Variants in ZNF366 observed in about 807,000 individuals in gnomAD.
The protein encoded by ZNF366 is zinc finger protein 366, also known as dendritic cell-specific transcript protein.
ZNF366 carries 20 observed loss-of-function variants against 47.2 expected under a neutral mutation model. That is an observed-to-expected ratio of 0.42 (90% CI 0.30 to 0.62). The LOEUF (loss-of-function observed/expected upper bound fraction) is 0.62. Among genes scored for constraint, ZNF366 ranks in the 20% least tolerant of loss-of-function variants. The pLI, the probability that ZNF366 is intolerant of heterozygous loss-of-function variation, is 0.16. For synonymous variants in ZNF366, 421 were observed against 395.1 expected (o/e 1.07, Z -0.78); for missense variants, 987 against 976.3 (o/e 1.01, Z -0.15).
chr5:72,497,824 T>G (rs1344026553), intron 1 of ZNF366, among the ~76,000 whole-genome samples: 1 of 152,210 alleles, frequency 6.6e-6, no homozygotes, highest in Non-Finnish European at 1.5e-5. Context: ...TGGTATCTCA[T>G]AGTTTTAATT....
At chr5:72,476,786 G>A (rs1330236367) in intron 1 of ZNF366, among the ~76,000 whole-genome samples, 1 of 152,180 alleles carries the variant, frequency 6.6e-6, no homozygotes, top group African/African-American at 2.4e-5. Context: ...TCAAGACCCT[G>A]CCCAGCCACT....
In ZNF366 at chr5:72,448,535, T is replaced by C. The variant is rs559615626; in HGVS notation, c.1525-1118A>G. ...GGAATGCAAACAGTGATTTTGTGTC[T>C]GTGATTGGACAAGAATGTTAAGGGA... On this transcript the variant is annotated intron_variant, in intron 3 of 4. Transcript: ENST00000318442. 3.3e-5 allele frequency among the ~76,000 whole-genome samples: 5 copies of C among 152,274 alleles called. No homozygotes were observed. In the South Asian group the frequency reaches 1.0e-3, roughly 32 times the overall value.
At chr5:72,500,622 A>G (rs1044079756) in intron 1 of ZNF366, among the ~76,000 whole-genome samples, 1 of 152,214 alleles carries the variant, frequency 6.6e-6, no homozygotes, top group Non-Finnish European at 1.5e-5. Flanking sequence ...TAATGCCACT[A>G]TTTAATAGGG....
At chr5:72,485,999 C>T (rs572099990) in intron 1 of ZNF366, among the ~76,000 whole-genome samples, 86 of 152,280 alleles carry the variant, frequency 5.6e-4, no homozygotes, top group Non-Finnish European at 1.0e-3. Flanking sequence ...TGAGGCCACC[C>T]GAACTCTGGC....
chr5:72,479,907 A>G (rs942789347), intron 1 of ZNF366, among the ~76,000 whole-genome samples: 26 of 152,204 alleles, frequency 1.7e-4, no homozygotes, highest in African/African-American at 6.3e-4. Flanking sequence ...AACAACACAT[A>G]CTAATATAAC....
Position 72,507,269 on chromosome 5 carries a change from T to G in ZNF366, c.-33A>C. The G allele has an allele frequency of 1.0e-6, 1 of 985,550 alleles. No homozygotes were observed. Among genetic ancestry groups the G allele is most frequent in the Non-Finnish European group, 1.2e-6 (1 of 830,032 alleles). 61.1% of individuals were successfully genotyped at this position (985,550 alleles called of 1,614,324 possible). ...AACTTACCAGCTCCTGAGGTCTGAA[T>G]GGCTGCAGCAGCCCCACTCCTTTAC... On this transcript the variant is annotated 5_prime_UTR_variant, in exon 1 of 5. Transcript: ENST00000318442.
intron 1 of ZNF366, among the ~76,000 whole-genome samples, chr5:72,506,227 G>A (rs1467788928): frequency 1.3e-5 from 2 of 152,006 alleles, no homozygotes; most frequent in Non-Finnish European, 2.9e-5. Context: ...TTACCCATTC[G>A]GCATCTCTCT....
At chr5:72,466,485 C>T (rs1471711347) in intron 1 of ZNF366, among the ~76,000 whole-genome samples, 1 of 152,200 alleles carries the variant, frequency 6.6e-6, no homozygotes, top group East Asian at 1.9e-4. Flanking sequence ...CCCAAAGTCT[C>T]AGACACTAGA....
chr5:72,476,479 C>T (rs892224894), intron 1 of ZNF366, among the ~76,000 whole-genome samples: 2 of 152,128 alleles, frequency 1.3e-5, no homozygotes, highest in African/African-American at 4.8e-5. Context: ...AGTGGGTGAG[C>T]ATGGCAGCAG....
At chr5:72,491,248 A>T (rs532848228) in intron 1 of ZNF366, among the ~76,000 whole-genome samples, 3 of 152,236 alleles carry the variant, frequency 2.0e-5, no homozygotes, top group Non-Finnish European at 4.4e-5. Context: ...ATCATTGCAG[A>T]ATTCATGTTA....
intron 1 of ZNF366, among the ~76,000 whole-genome samples, chr5:72,490,631 A>G (rs990358700): frequency 2.6e-5 from 4 of 152,256 alleles, no homozygotes; most frequent in Non-Finnish European, 4.4e-5. Flanking sequence ...TGGCCTTCTC[A>G]ATGGGGGCAA....
At chr5:72,473,590 G>T (rs2112338414) in intron 1 of ZNF366, among the ~76,000 whole-genome samples, 1 of 152,200 alleles carries the variant, frequency 6.6e-6, no homozygotes. Context: ...AGACTGATTG[G>T]CCATCCAGAA....
At chr5:72,475,602 G>C (rs972539257) in intron 1 of ZNF366, among the ~76,000 whole-genome samples, 3 of 152,178 alleles carry the variant, frequency 2.0e-5, no homozygotes, top group Non-Finnish European at 4.4e-5. Flanking sequence ...GTTTTGATCT[G>C]CTTTTAGTAC....
At chr5:72,464,297 T>C (rs570067698) in intron 1 of ZNF366, among the ~76,000 whole-genome samples, 1 of 152,358 alleles carries the variant, frequency 6.6e-6, no homozygotes, top group African/African-American at 2.4e-5. Flanking sequence ...TAGCTTATAC[T>C]GGAAAGCTAC....
chr5:72,469,402 A>T (rs6885144), intron 1 of ZNF366, among the ~76,000 whole-genome samples: 49,244 of 152,082 alleles, frequency 0.32, 9,918 homozygotes, highest in African/African-American at 0.57. Flanking sequence ...CTGCACGTCG[A>T]TATTAAAAGT....
chr5:72,443,724 C>T lies in ZNF366; in HGVS notation c.*32G>A. 1.3e-6 allele frequency: 2 copies of T among 1,586,028 alleles called. No individual in the cohort carries two copies. The highest frequency in any genetic ancestry group is 1.7e-6 in the Non-Finnish European group (2 of 1,167,180). ...AGCTATATTTGAACTGCCTCCTTCT[C>T]ATTTTCCAAATGTAATTTTAAAACT... On this transcript the variant is annotated 3_prime_UTR_variant, in exon 5 of 5. Transcript: ENST00000318442.
At chr5:72,462,511 C>CT (rs1476762680) in intron 1 of ZNF366, among the ~76,000 whole-genome samples, 1 of 64,910 alleles carries the variant, frequency 1.5e-5, no homozygotes, top group East Asian at 1.7e-3. Context: ...TGCCAGTTTT[C>CT]TTTCTTTCTT....
chr5:72,464,247 A>G (rs1390194837), intron 1 of ZNF366, among the ~76,000 whole-genome samples: 1 of 152,248 alleles, frequency 6.6e-6, no homozygotes, highest in East Asian at 1.9e-4. Context: ...CTTCTTAAGT[A>G]CATGGCTAAT....
At chr5:72,470,776 A>C (rs1743546432) in intron 1 of ZNF366, among the ~76,000 whole-genome samples, 1 of 152,178 alleles carries the variant, frequency 6.6e-6, no homozygotes, top group Non-Finnish European at 1.5e-5. Context: ...ACCTCGCGTA[A>C]ATTAACTGCC....
Sources: gnomAD v4.1 joint callset for allele counts (sites outside exome capture counted in the v4.1 genomes callset) on GRCh38, gnomAD v4.1.1 for gene constraint, MANE v1.5 for transcripts, NCBI Gene and HGNC (gene_info 2026-07-23, HGNC 2026-07-21) for gene names.